Variants in ATXN1 observed in about 807,000 individuals in gnomAD.
ATXN1 encodes the protein ataxin-1.
A neutral mutation model predicts 56.4 loss-of-function variants in ATXN1; 8 were observed. The ratio of observed to expected loss-of-function variants is 0.14; its 90% CI spans 0.08 to 0.26. The LOEUF is 0.26. ATXN1 is among the 10% of genes least tolerant of loss of function. ATXN1 has a pLI of 1.00. For synonymous variants in ATXN1, 514 were observed against 494.6 expected (o/e 1.04, Z -0.52); for missense variants, 987 against 1,106.5 (o/e 0.89, Z 1.53).
At position 16,327,923 on chromosome 6, in the gene ATXN1, T is replaced by C; in HGVS notation, c.388A>G (p.Ile130Val). The change falls in exon 7 of 8, where the codon ATT (isoleucine) becomes GTT (valine). Residue 130 changes from isoleucine to valine, a missense_variant. Physicochemically the swap from Ile to Val is conservative, Grantham distance 29 (BLOSUM62 3). This residue lies in a region of ATXN1 where 723 missense variants were observed against 791.7 expected (regional missense o/e 0.91). Transcript: ENST00000436367. ...YAHLPHTFQF[I>V]GSSQYSGTYA... Reference sequence around the variant, plus strand: ...GTTCCACTGTATTGGGAGGACCCAATGAACTGGAAGGTGTGCGGCAGGTGA... The same window carrying C: ...GTTCCACTGTATTGGGAGGACCCAACGAACTGGAAGGTGTGCGGCAGGTGA... The C allele has an allele frequency of 4.3e-6, 7 of 1,610,844 alleles. No homozygotes were observed. Among genetic ancestry groups the C allele is most frequent in the Non-Finnish European group, 1.7e-6 (2 of 1,179,916 alleles).
intron 3 of ATXN1, among the ~76,000 whole-genome samples, chr6:16,612,840 G>A (rs1432198036): frequency 6.0e-5 from 9 of 150,582 alleles, no homozygotes; most frequent in Admixed American, 1.3e-4. Flanking sequence ...GCAGTGAGCC[G>A]AGAGTGCACC....
chr6:16,721,059 C>A (rs116336378), intron 2 of ATXN1, among the ~76,000 whole-genome samples: 3 of 152,312 alleles, frequency 2.0e-5, no homozygotes, highest in South Asian at 2.1e-4. Context: ...CCAGCTCCCC[C>A]GTTCCAAATT....
At chr6:16,347,652 G>C (rs182837163) in intron 6 of ATXN1, among the ~76,000 whole-genome samples, 5 of 151,952 alleles carry the variant, frequency 3.3e-5, no homozygotes, top group Non-Finnish European at 7.4e-5. Flanking sequence ...CCTTTGTGTC[G>C]ACACTCTTTA....
At position 16,301,942 on chromosome 6, in the gene ATXN1, TAAAAA is replaced by T. The variant is rs993709948; in HGVS notation, c.*4382_*4386del. Reference sequence around the variant, plus strand: ...TAAAGGGTATTGTCAATCGTTTCCTTAAAAAACAAAACAAAACAAAATCCAGAGCT... The same window carrying T: ...TAAAGGGTATTGTCAATCGTTTCCTTACAAAACAAAACAAAATCCAGAGCT... On this transcript the variant is annotated 3_prime_UTR_variant, in exon 8 of 8. Coordinates refer to ENST00000436367, the MANE Select transcript of ATXN1 (RefSeq NM_001128164.2). 2 of 152,674 alleles carry T rather than the reference TAAAAA, an allele frequency of 1.3e-5. No homozygotes were observed. Among genetic ancestry groups the T allele is most frequent in the African/African-American group, 4.8e-5 (2 of 41,434 alleles). 9.5% of individuals were successfully genotyped at this position (152,674 alleles called of 1,614,324 possible). A position where few individuals can be genotyped will look rare whatever the true frequency, so the allele number is the denominator to read the frequency against.
At chr6:16,563,517 T>G (rs1186833621) in intron 4 of ATXN1, among the ~76,000 whole-genome samples, 4 of 152,060 alleles carry the variant, frequency 2.6e-5, no homozygotes, top group Non-Finnish European at 5.9e-5. Flanking sequence ...GAGTGGGGGA[T>G]GAGTCAGGGC....
chr6:16,744,113 A>G (rs899294088), intron 2 of ATXN1, among the ~76,000 whole-genome samples: 2 of 152,186 alleles, frequency 1.3e-5, no homozygotes, highest in African/African-American at 4.8e-5. Context: ...GCCATTTAGG[A>G]GGTATATCAT....
At chr6:16,750,891 A>G (rs1760696008) in intron 2 of ATXN1, among the ~76,000 whole-genome samples, 1 of 152,180 alleles carries the variant, frequency 6.6e-6, no homozygotes, top group African/African-American at 2.4e-5. Flanking sequence ...AGCCTAGCAC[A>G]TAACCGTTAA....
intron 3 of ATXN1, among the ~76,000 whole-genome samples, chr6:16,614,186 TC>T (rs1344219008): frequency 4.6e-5 from 7 of 151,712 alleles, no homozygotes; most frequent in Admixed American, 2.0e-4. Flanking sequence ...TTTTGACAAG[TC>T]AGTCTTTTTG....
At position 16,581,697 on chromosome 6, in the gene ATXN1, C is replaced by T. The variant is rs77236307; in HGVS notation, c.-361+4083G>A. ...CTAAATAAAGTTAATTATGCATGTG[C>T]ACAAAAGGTAGGATTAATTATATAA... On this transcript the variant is annotated intron_variant, in intron 4 of 7. Coordinates refer to ENST00000436367, the MANE Select transcript of ATXN1 (RefSeq NM_001128164.2). 2.0e-4 allele frequency among the ~76,000 whole-genome samples: 31 copies of T among 152,134 alleles called. No individual in the cohort carries two copies. The East Asian group carries it at 5.6e-3, about 28-fold the overall frequency.
chr6:16,462,431 C>T (rs1760018045), intron 6 of ATXN1, among the ~76,000 whole-genome samples: 1 of 152,184 alleles, frequency 6.6e-6, no homozygotes, highest in Admixed American at 6.5e-5. Context: ...TAAGGAAAAA[C>T]TCTTTCCTAT....
At chr6:16,631,687 C>A (rs1264599288) in intron 3 of ATXN1, among the ~76,000 whole-genome samples, 1 of 152,180 alleles carries the variant, frequency 6.6e-6, no homozygotes, top group Non-Finnish European at 1.5e-5. Context: ...TTATTAAAAG[C>A]AGGGTTCTGA....
chr6:16,653,979 G>GT (rs535293872), intron 3 of ATXN1, among the ~76,000 whole-genome samples: 3 of 152,132 alleles, frequency 2.0e-5, no homozygotes, highest in African/African-American at 4.8e-5. Flanking sequence ...GTTAACTAAG[G>GT]TGAGTTTCCT....
chr6:16,390,821 C>T lies in ATXN1; in HGVS notation c.-160-62351G>A, dbSNP rs144015414. Among the ~76,000 whole-genome samples the T allele has an allele frequency of 7.2e-3, 1,099 of 152,096 alleles. 13 individuals carry two copies. The highest frequency in any genetic ancestry group is 0.025 in the African/African-American group (1,046 of 41,486). On this transcript the variant is annotated intron_variant, in intron 6 of 7. Transcript: ENST00000436367. ...CTGCAGCATCTCAGATGTAAACTGG[C>T]GTCAGTAACAGGTCCTGTCATCCAC...
At chr6:16,392,188 A>G (rs1299117669) in intron 6 of ATXN1, among the ~76,000 whole-genome samples, 1 of 152,174 alleles carries the variant, frequency 6.6e-6, no homozygotes, top group African/African-American at 2.4e-5. Context: ...TTCTTTACAG[A>G]TGGCTGCTGT....
At chr6:16,370,516 C>G (rs1762016906) in intron 6 of ATXN1, among the ~76,000 whole-genome samples, 1 of 152,134 alleles carries the variant, frequency 6.6e-6, no homozygotes. Context: ...CAATGCACAA[C>G]TAAGATAGCT....
chr6:16,334,511 C>A (rs1488218166), intron 6 of ATXN1, among the ~76,000 whole-genome samples: 1 of 151,944 alleles, frequency 6.6e-6, no homozygotes, highest in Non-Finnish European at 1.5e-5. Flanking sequence ...AGCCCAGGAG[C>A]TCAAGGCCAG....
intron 6 of ATXN1, among the ~76,000 whole-genome samples, chr6:16,371,515 TA>T (rs1214436982): frequency 1.3e-5 from 2 of 151,700 alleles, no homozygotes; most frequent in Admixed American, 6.6e-5. Flanking sequence ...AATCTGCTCT[TA>T]AAAAAAAGAA....
chr6:16,645,324 G>A (rs534196294), intron 3 of ATXN1, among the ~76,000 whole-genome samples: 1 of 152,330 alleles, frequency 6.6e-6, no homozygotes, highest in South Asian at 2.1e-4. Flanking sequence ...GAGATGGCCA[G>A]CTGCCAGCAG....
At chr6:16,563,727 C>G (rs369651795) in intron 4 of ATXN1, among the ~76,000 whole-genome samples, 9 of 152,084 alleles carry the variant, frequency 5.9e-5, no homozygotes, top group African/African-American at 2.2e-4. Flanking sequence ...AAGGTGAAGT[C>G]TTAAGGTGAG....
Sources: allele counts gnomAD v4.1 joint callset (sites outside exome capture counted in the v4.1 genomes callset), GRCh38; gene constraint gnomAD v4.1.1; regional missense constraint gnomAD v4.1.1; transcripts MANE v1.5; gene names NCBI Gene and HGNC (gene_info 2026-07-23, HGNC 2026-07-21).